Variants in AGBL1 observed in about 807,000 individuals in gnomAD.
The protein encoded by AGBL1 is cytosolic carboxypeptidase 4.
Under a neutral mutation model 118.9 loss-of-function variants are expected in AGBL1, and 130 were observed. That is an observed-to-expected ratio of 1.09 (90% CI 0.95 to 1.26). The LOEUF is 1.26. Ranked by LOEUF, AGBL1 falls within the 50% of genes most tolerant of loss-of-function variation. AGBL1 has a pLI of 0.00. For synonymous variants in AGBL1, 555 were observed against 478.9 expected (o/e 1.16, Z -2.08); for missense variants, 1,584 against 1,298.1 (o/e 1.22, Z -3.38).
intron 5 of AGBL1, among the ~76,000 whole-genome samples, chr15:86,196,837 T>C (rs2077811387): frequency 7.0e-6 from 1 of 143,452 alleles, no homozygotes; most frequent in African/African-American, 2.7e-5. Flanking sequence ...CTCTCTTTCC[T>C]CCTCTCCCTG....
chr15:87,002,602 A>G (rs2141763318), intron 24 of AGBL1, among the ~76,000 whole-genome samples: 1 of 152,234 alleles, frequency 6.6e-6, no homozygotes, highest in South Asian at 2.1e-4. Context: ...GATTCTTCCT[A>G]TCCATGAGCT....
At chr15:86,923,422 G>C (rs1049041161) in intron 23 of AGBL1, among the ~76,000 whole-genome samples, 1 of 152,130 alleles carries the variant, frequency 6.6e-6, no homozygotes, top group Non-Finnish European at 1.5e-5. Flanking sequence ...TATCCTGCCT[G>C]TTATCACCTC....
At chr15:86,904,579 C>CAT (rs34845801) in intron 22 of AGBL1, among the ~76,000 whole-genome samples, 1 of 134,432 alleles carries the variant, frequency 7.4e-6, no homozygotes, top group Non-Finnish European at 1.7e-5. Context: ...ATTATCATAT[C>CAT]ATATATAATA....
intron 22 of AGBL1, among the ~76,000 whole-genome samples, chr15:86,902,582 G>C (rs1256238492): frequency 6.6e-6 from 1 of 151,826 alleles, no homozygotes; most frequent in Non-Finnish European, 1.5e-5. Context: ...CATTCTTTTA[G>C]GGTAGATCTG....
At chr15:86,726,884 A>G (rs1313259472) in intron 22 of AGBL1, among the ~76,000 whole-genome samples, 1 of 152,208 alleles carries the variant, frequency 6.6e-6, no homozygotes, top group Non-Finnish European at 1.5e-5. Flanking sequence ...ATCATTGGAT[A>G]CACCAGGTTT....
chr15:86,989,385 G>A (rs1447959361), intron 24 of AGBL1, among the ~76,000 whole-genome samples: 1 of 152,066 alleles, frequency 6.6e-6, no homozygotes, highest in East Asian at 1.9e-4. Flanking sequence ...TATTAGGTTA[G>A]TAGAGTTTTC....
chr15:86,640,274 T>C (rs1440947498), intron 21 of AGBL1, among the ~76,000 whole-genome samples: 3 of 152,332 alleles, frequency 2.0e-5, no homozygotes, highest in Middle Eastern at 3.4e-3. Context: ...TCCAGAATTA[T>C]AATAGAGTGG....
At chr15:86,831,014 A>G (rs545257664) in intron 22 of AGBL1, among the ~76,000 whole-genome samples, 1 of 152,310 alleles carries the variant, frequency 6.6e-6, no homozygotes, top group South Asian at 2.1e-4. Flanking sequence ...GCAGAAGGCA[A>G]AGGAAGAGCA....
chr15:86,882,521 C>A (rs28373886), intron 22 of AGBL1, among the ~76,000 whole-genome samples: 29,533 of 152,006 alleles, frequency 0.19, 2,953 homozygotes, highest in East Asian at 0.35. Flanking sequence ...AATCACTCAC[C>A]TTTTTAAGCT....
chr15:86,660,478 C>A (rs898650486), intron 21 of AGBL1, among the ~76,000 whole-genome samples: 1 of 152,086 alleles, frequency 6.6e-6, no homozygotes, highest in South Asian at 2.1e-4. Context: ...TGGTAGGGGA[C>A]GTTTGCTCAA....
At chr15:86,764,881 A>T (rs545942017) in intron 22 of AGBL1, among the ~76,000 whole-genome samples, 150 of 152,092 alleles carry the variant, frequency 9.9e-4, no homozygotes, top group African/African-American at 3.5e-3. Context: ...ATTAATCTCT[A>T]CTCTAATGAA....
chr15:86,232,812 C>T (rs2078478074), intron 6 of AGBL1, among the ~76,000 whole-genome samples: 1 of 152,190 alleles, frequency 6.6e-6, no homozygotes, highest in South Asian at 2.1e-4. Context: ...CCTCCTGCCT[C>T]CCCGCCCTGC....
intron 22 of AGBL1, among the ~76,000 whole-genome samples, chr15:86,832,102 T>C (rs2079112787): frequency 6.6e-6 from 1 of 152,252 alleles, no homozygotes; most frequent in Admixed American, 6.5e-5. Context: ...TGCAGAGCAC[T>C]AAGTCCGAGA....
At chr15:86,584,127 C>A (rs1232082499) in intron 21 of AGBL1, among the ~76,000 whole-genome samples, 1 of 151,744 alleles carries the variant, frequency 6.6e-6, no homozygotes, top group Non-Finnish European at 1.5e-5. Flanking sequence ...TTTGCCATTC[C>A]CTAGGTTGTC....
intron 23 of AGBL1, among the ~76,000 whole-genome samples, chr15:86,969,252 A>T (rs2081083768): frequency 6.6e-6 from 1 of 151,934 alleles, no homozygotes; most frequent in African/African-American, 2.4e-5. Context: ...GGCCAGTGAA[A>T]TCAAACAAGT....
intron 19 of AGBL1, among the ~76,000 whole-genome samples, chr15:86,537,054 T>A (rs969504775): frequency 6.6e-6 from 1 of 152,144 alleles, no homozygotes; most frequent in Non-Finnish European, 1.5e-5. Flanking sequence ...GCACAGTCCA[T>A]CCTTGGGGGC....
intron 18 of AGBL1, among the ~76,000 whole-genome samples, chr15:86,471,299 C>G (rs1260769008): frequency 4.6e-5 from 7 of 152,138 alleles, no homozygotes. Context: ...TCTATTGAGA[C>G]AGTCATATGA....
At chr15:86,917,823 C>T (rs1272952679), downstream of AGBL1, among the ~76,000 whole-genome samples, 2 of 151,690 alleles carry the variant, frequency 1.3e-5, no homozygotes, top group Admixed American at 1.3e-4. The surrounding 1 kb of genome is among the most constrained non-coding windows in gnomAD (Gnocchi z 4.8). Context: ...CAGCATGGCT[C>T]AAGGCAGGGG....
intron 22 of AGBL1, among the ~76,000 whole-genome samples, chr15:86,778,175 T>C (rs2078285190): frequency 6.6e-6 from 1 of 151,978 alleles, no homozygotes; most frequent in African/African-American, 2.4e-5. Flanking sequence ...AGTGTATGAA[T>C]AGGGTGTGGG....
Sources: gnomAD v4.1 joint callset for allele counts (sites outside exome capture counted in the v4.1 genomes callset) on GRCh38, gnomAD v4.1.1 for gene constraint, Gnocchi (gnomAD v3.1) non-coding constraint, MANE v1.5 for transcripts, NCBI Gene and HGNC (gene_info 2026-07-23, HGNC 2026-07-21) for gene names.